Variants in TMBIM4 observed in about 807,000 individuals in gnomAD.
TMBIM4 encodes the protein transmembrane BAX inhibitor motif containing 4, also known as protein lifeguard 4.
Under a neutral mutation model 27.7 loss-of-function variants are expected in TMBIM4, and 28 were observed. The observed-to-expected ratio is 1.01, with a 90% CI of 0.75 to 1.38. The LOEUF (loss-of-function observed/expected upper bound fraction) is 1.38. TMBIM4 is among the 40% of genes most tolerant of loss of function. The pLI is 0.00. For synonymous variants in TMBIM4, 115 were observed against 113.1 expected, an observed-to-expected ratio of 1.02 and a Z score of -0.11; for missense variants, 265 against 277.5, an observed-to-expected ratio of 0.95 and a Z score of 0.32.
In TMBIM4 at chr12:66,148,641, A is replaced by G. The variant is rs909585817; in HGVS notation, c.313-700T>C. Among the ~76,000 whole-genome samples the G allele has an allele frequency of 2.6e-5, 4 of 152,214 alleles. No homozygotes were observed. The South Asian group carries it at 8.3e-4, about 32-fold the overall frequency. On this transcript the variant is annotated intron_variant, in intron 3 of 6. Transcript: ENST00000358230. ...TCTATCTTATACCATATGATCTATCATATACCACTCTAGGAATGCCTGGAC... is the reference window on the plus strand; with the variant it reads ...TCTATCTTATACCATATGATCTATCGTATACCACTCTAGGAATGCCTGGAC...
chr12:66,153,510 C>A lies in TMBIM4; in HGVS notation c.98-62G>T. ...ACCATTTATCATAGAACAGTAAAATCAAATTTCCTCTTTAAAAAATTGTTT... is the reference window on the plus strand; with the variant it reads ...ACCATTTATCATAGAACAGTAAAATAAAATTTCCTCTTTAAAAAATTGTTT... On this transcript the variant is annotated intron_variant, in intron 1 of 6. Transcript: ENST00000358230. 8.0e-6 allele frequency: 8 copies of A among 997,456 alleles called. No homozygotes were observed. The South Asian group carries it at 1.2e-4, about 15-fold the overall frequency. 61.8% of individuals were successfully genotyped at this position (997,456 alleles called of 1,614,324 possible). A position where few individuals can be genotyped will look rare whatever the true frequency, so the allele number is the denominator to read the frequency against.
chr12:66,145,163 T>C (rs1010206263), intron 5 of TMBIM4, among the ~76,000 whole-genome samples: 18 of 152,226 alleles, frequency 1.2e-4, no homozygotes, highest in Middle Eastern at 3.4e-3. Flanking sequence ...TTTATCTCAA[T>C]AGAGACTTCT....
At chr12:66,167,907 T>C (rs1320626548) in intron 1 of TMBIM4, among the ~76,000 whole-genome samples, 3 of 152,216 alleles carry the variant, frequency 2.0e-5, no homozygotes, top group Non-Finnish European at 4.4e-5. Context: ...ACATACAAAG[T>C]ACTACTACTG....
intron 4 of TMBIM4, among the ~76,000 whole-genome samples, chr12:66,147,301 AC>A (rs1416272895): frequency 6.6e-6 from 1 of 152,068 alleles, no homozygotes; most frequent in African/African-American, 2.4e-5. Flanking sequence ...ATTAACTCTG[AC>A]CTTTTTGGTA....
At chr12:66,151,147 A>C (rs2051838338) in intron 3 of TMBIM4, among the ~76,000 whole-genome samples, 1 of 147,754 alleles carries the variant, frequency 6.8e-6, no homozygotes, top group Non-Finnish European at 1.5e-5. Context: ...TTTTAACACA[A>C]ACTCATTATC....
rs1218986815 is a variant in TMBIM4, at chr12:66,137,133, T to G, written c.*827A>C. On this transcript the variant is annotated 3_prime_UTR_variant, in exon 7 of 7. Transcript: ENST00000358230. The stretch of plus-strand genomic sequence containing the variant: ...TGTTAGTACAATTTAAAATAAAAAG[T>G]CATTAACATTTTAATGTAATACTGA... The G allele has an allele frequency of 6.6e-6, 1 of 152,212 alleles. No homozygotes were observed. Among genetic ancestry groups the G allele is most frequent in the Non-Finnish European group, 1.5e-5 (1 of 68,040 alleles). The allele number at this position is 152,212 out of a possible 1,614,324, so 9.4% of individuals were successfully genotyped here. A position where few individuals can be genotyped will look rare whatever the true frequency, so the allele number is the denominator to read the frequency against.
rs1358891783 is a variant in TMBIM4 at position 66,169,765 on chromosome 12, G to A, written c.97+90C>T. The A allele has an allele frequency of 4.8e-6, 5 of 1,050,096 alleles. No homozygotes were observed. In the East Asian group the frequency reaches 1.6e-4, roughly 33 times the overall value. 65.0% of individuals were successfully genotyped at this position (1,050,096 alleles called of 1,614,324 possible). ...CACTCCCTGTGAGTCCCAGGAGATG[G>A]CCGCTCTCCCTCGGAAGCCGGAAGT... On this transcript the variant is annotated intron_variant, in intron 1 of 6. Transcript: ENST00000358230.
chr12:66,149,947 T>C (rs2051818300), intron 3 of TMBIM4, among the ~76,000 whole-genome samples: 1 of 152,170 alleles, frequency 6.6e-6, no homozygotes, highest in African/African-American at 2.4e-5. Flanking sequence ...CTTATCTTGG[T>C]GGATCAGGAC....
intron 5 of TMBIM4, among the ~76,000 whole-genome samples, chr12:66,141,883 T>C (rs1350629280): frequency 2.0e-5 from 3 of 152,262 alleles, no homozygotes; most frequent in South Asian, 2.1e-4. Flanking sequence ...ATACTTGTAG[T>C]TGGAAATTTC....
At chr12:66,166,365 C>T (rs538393352) in intron 1 of TMBIM4, among the ~76,000 whole-genome samples, 1 of 148,718 alleles carries the variant, frequency 6.7e-6, no homozygotes, top group East Asian at 2.0e-4. Context: ...CTCAGGAGGC[C>T]GAGATGGGAG....
intron 1 of TMBIM4, among the ~76,000 whole-genome samples, chr12:66,156,262 G>T (rs1565786612): frequency 6.6e-6 from 1 of 152,108 alleles, no homozygotes; most frequent in Non-Finnish European, 1.5e-5. Context: ...AACTTAACAT[G>T]GCCAAAACTG....
At chr12:66,157,023 T>C (rs1412653510) in intron 1 of TMBIM4, among the ~76,000 whole-genome samples, 1 of 152,200 alleles carries the variant, frequency 6.6e-6, no homozygotes, top group Non-Finnish European at 1.5e-5. Flanking sequence ...CCCGCCTAAG[T>C]AGCCTTCTAG....
Position 66,153,385 on chromosome 12 carries a change from G to A in TMBIM4, c.161C>T (p.Thr54Ile). ...TACAGACTCAAAGTATAAAAAAACTGTTGAAGTCACTGTAGTTAAGAGAAC... is the reference window on the plus strand; with the variant it reads ...TACAGACTCAAAGTATAAAAAAACTATTGAAGTCACTGTAGTTAAGAGAAC... ...LQVLLTTVTSTVFLYFESVRT... is the reference protein window; with the variant it reads ...LQVLLTTVTSIVFLYFESVRT... The change falls in exon 2 of 7, where the codon ACA (threonine) becomes ATA (isoleucine). Residue 54 changes from threonine to isoleucine, a missense_variant. By Grantham distance (89) the Thr-to-Ile change is moderately conservative. Transcript: ENST00000358230. 2 of 1,602,336 alleles carry A rather than the reference G, an allele frequency of 1.2e-6. No individual in the cohort carries two copies. Among genetic ancestry groups the A allele is most frequent in the Non-Finnish European group, 1.7e-6 (2 of 1,175,982 alleles).
intron 1 of TMBIM4, among the ~76,000 whole-genome samples, chr12:66,168,581 G>C (rs1270152684): frequency 7.2e-5 from 11 of 152,302 alleles, no homozygotes; most frequent in African/African-American, 2.4e-4. Flanking sequence ...CAATCACTGA[G>C]TTTCAGCCAA....
Position 66,147,908 on chromosome 12 carries a change from C to T in TMBIM4, c.346G>A (p.Val116Ile), listed in dbSNP as rs879135852. The T allele has an allele frequency of 6.2e-7, 1 of 1,610,332 alleles. No homozygotes were observed. The highest frequency in any genetic ancestry group is 1.1e-5 in the South Asian group (1 of 90,334). ...ATATAGAAATGCAGTTACGGCTTAC[C>T]AACAACTGCCACAGTCAGAGCTTCC... ...LLEALTVAVV[V>I]TFYDVYIILQ... Residue 116 changes from valine (V) to isoleucine (I), a missense_variant and splice_region_variant, in exon 4 of 7, where the codon GTT becomes ATT. Transcript: ENST00000358230.
At chr12:66,169,823 G>A in intron 1 of TMBIM4, 32 bp downstream of exon 1, 1 of 1,483,286 alleles carries the variant, frequency 6.7e-7, no homozygotes, top group Non-Finnish European at 9.0e-7. Context: ...GCAGACAAGC[G>A]GCTGGGAGGC....
In TMBIM4 at chr12:66,145,961, G is replaced by T; in HGVS notation, c.347-3C>A. 2 of 1,471,854 alleles carry T rather than the reference G, an allele frequency of 1.4e-6. No homozygotes were observed. The highest frequency in any genetic ancestry group is 1.2e-5 in the South Asian group (1 of 85,686). The allele number at this position is 1,471,854 out of a possible 1,614,324, so 91.2% of individuals were successfully genotyped here. A position where few individuals can be genotyped will look rare whatever the true frequency, so the allele number is the denominator to read the frequency against. On this transcript the variant is annotated splice_region_variant and splice_polypyrimidine_tract_variant and intron_variant, in intron 4 of 6. Transcript: ENST00000358230. ...AATATATACATCATAGAAAGTAACT[G>T]TAAAATTAAAACACTGATTAACATG...
At chr12:66,141,797 G>A (rs1038909513) in intron 5 of TMBIM4, among the ~76,000 whole-genome samples, 1 of 152,078 alleles carries the variant, frequency 6.6e-6, no homozygotes, top group African/African-American at 2.4e-5. Context: ...AATCCTAAAT[G>A]TTTCTGCATC....
At chr12:66,160,026 A>AC (rs1277982133) in intron 1 of TMBIM4, 2 of 564,194 alleles carry the variant, frequency 3.5e-6, no homozygotes, top group Non-Finnish European at 6.3e-6. Context: ...CCAGCCCACT[A>AC]CCTGGTTTTG....
Sources: gnomAD v4.1 joint callset for allele counts (sites outside exome capture counted in the v4.1 genomes callset) on GRCh38, gnomAD v4.1.1 for gene constraint, MANE v1.5 for transcripts, NCBI Gene and HGNC (gene_info 2026-07-23, HGNC 2026-07-21) for gene names.